Variants in STAT5B observed in about 807,000 individuals in gnomAD.
STAT5B encodes the protein signal transducer and activator of transcription 5B.
In STAT5B, 21 loss-of-function variants were observed where a neutral mutation model predicts 107.8. The observed-to-expected ratio is 0.19, with a 90% CI of 0.14 to 0.28. The LOEUF (loss-of-function observed/expected upper bound fraction) is 0.28. Ranked by LOEUF, STAT5B falls within the 10% of genes least tolerant of loss-of-function variation. The pLI, the probability that STAT5B is intolerant of heterozygous loss-of-function variation, is 1.00. For missense variants in STAT5B, 565 were observed against 1,008.2 expected, an observed-to-expected ratio of 0.56 and a Z score of 5.95; for synonymous variants, 325 against 401.7, an observed-to-expected ratio of 0.81 and a Z score of 2.28.
intron 1 of STAT5B, among the ~76,000 whole-genome samples, chr17:42,256,334 GC>G (rs1337227590): frequency 6.6e-6 from 1 of 152,028 alleles, no homozygotes; most frequent in Non-Finnish European, 1.5e-5. Context: ...TCCTGGCTCA[GC>G]CTCCCATAGT....
chr17:42,211,165 C>T (rs1427452346), intron 13 of STAT5B, among the ~76,000 whole-genome samples: 1 of 151,864 alleles, frequency 6.6e-6, no homozygotes, highest in Non-Finnish European at 1.5e-5. Context: ...TGTACCACTG[C>T]ACTCCTTGTG....
chr17:42,206,096 G>A (rs763428317), intron 16 of STAT5B, among the ~76,000 whole-genome samples: 3 of 151,902 alleles, frequency 2.0e-5, no homozygotes, highest in Non-Finnish European at 2.9e-5. Context: ...ATGGAGTCTC[G>A]CTCTGTCACC....
intron 2 of STAT5B, among the ~76,000 whole-genome samples, chr17:42,229,683 C>G: frequency 6.6e-6 from 1 of 151,368 alleles, no homozygotes; most frequent in East Asian, 2.0e-4. Context: ...CCAGCCTGGC[C>G]AACATGATGA....
chr17:42,237,961 T>G (rs1237364782), intron 1 of STAT5B, among the ~76,000 whole-genome samples: 2 of 152,178 alleles, frequency 1.3e-5, no homozygotes, highest in African/African-American at 4.8e-5. Context: ...ACTGTTACCT[T>G]AAACTTACAA....
chr17:42,207,618 G>A lies in STAT5B; in HGVS notation c.2017C>T (p.Arg673Trp), dbSNP rs773533491. 8.1e-6 allele frequency: 13 copies of A among 1,613,846 alleles called. No homozygotes were observed. The highest frequency in any genetic ancestry group is 2.2e-5 in the East Asian group (1 of 44,884). The change falls in exon 16 of 19, where the codon CGG (arginine) becomes TGG (tryptophan). Residue 673 changes from arginine (R) to tryptophan (W), a missense_variant. Coordinates refer to ENST00000293328, the MANE Select transcript of STAT5B (RefSeq NM_012448.4). ...LNYLIYVFPD[R>W]PKDEVYSKYY... is the part of the protein sequence containing the mutation. ...TTGGAGTATACTTCATCTTTTGGCC[G>A]ATCAGGAAACACGTAGATAAGGTAA...
intron 1 of STAT5B, chr17:42,235,486 AT>A (rs559958060): frequency 9.1e-4 from 132 of 145,816 alleles, no homozygotes; most frequent in South Asian, 1.1e-3. Flanking sequence ...ATCAATTACA[AT>A]TTTTTTTTTT....
intron 5 of STAT5B, among the ~76,000 whole-genome samples, chr17:42,220,748 T>C (rs983656742): frequency 5.3e-5 from 8 of 152,124 alleles, no homozygotes; most frequent in Middle Eastern, 3.2e-3. Flanking sequence ...AGGAGTCTCA[T>C]TGATGGCGGG....
chr17:42,212,331 TG>T, intron 12 of STAT5B, 141 bp from the exon 13 acceptor site: 1 of 1,386,364 alleles, frequency 7.2e-7, no homozygotes, highest in Non-Finnish European at 9.9e-7. Flanking sequence ...CAGACTCTGC[TG>T]GGGTACACGG....
intron 1 of STAT5B, among the ~76,000 whole-genome samples, chr17:42,262,670 G>A (rs956923857): frequency 6.7e-6 from 1 of 150,022 alleles, no homozygotes; most frequent in Non-Finnish European, 1.5e-5. Context: ...ATAATACAAA[G>A]TTCAGGGTTA....
chr17:42,246,556 T>G (rs1455761534), intron 1 of STAT5B, among the ~76,000 whole-genome samples: 1 of 152,200 alleles, frequency 6.6e-6, no homozygotes, highest in African/African-American at 2.4e-5. Context: ...TTGATGTGAC[T>G]AAGCAAACTT....
chr17:42,222,417 T>C (rs1212660587), intron 5 of STAT5B, among the ~76,000 whole-genome samples: 3 of 152,192 alleles, frequency 2.0e-5, no homozygotes, highest in Non-Finnish European at 4.4e-5. Flanking sequence ...AGGGAAGCTC[T>C]GTCCATAAGG....
intron 1 of STAT5B, among the ~76,000 whole-genome samples, chr17:42,257,125 T>C (rs1279371342): frequency 6.6e-6 from 1 of 152,160 alleles, no homozygotes; most frequent in African/African-American, 2.4e-5. Flanking sequence ...GTACTAAGAA[T>C]GTGGCAGTGA....
In STAT5B at chr17:42,227,661, T is replaced by G; in HGVS notation, c.153A>C (p.Pro51=). 6.2e-7 allele frequency: 1 copy of G among 1,614,106 alleles called. No individual in the cohort carries two copies. Among genetic ancestry groups the G allele is most frequent in the Non-Finnish European group, 8.5e-7 (1 of 1,180,012 alleles). ...QAWDSVDLDN[P]QENIKATQLL... is the part of the protein sequence containing the mutation. ...GCTGGGTGGCCTTAATGTTCTCCTG[T>G]GGATTATCAAGATCTACTGAGTCCC... The change falls in exon 3 of 19, where the codon CCA becomes CCC. Residue 51 remains proline, a synonymous_variant. Transcript: ENST00000293328.
chr17:42,219,496 G>C (rs1277579293), intron 6 of STAT5B, 33 bp from the exon 7 acceptor site: 7 of 1,285,248 alleles, frequency 5.4e-6, no homozygotes, highest in Non-Finnish European at 7.4e-6. Flanking sequence ...CCCCTTCTGG[G>C]CTCCCAGAGA....
intron 1 of STAT5B, among the ~76,000 whole-genome samples, chr17:42,243,687 T>G (rs2080424831): frequency 6.6e-6 from 1 of 152,150 alleles, no homozygotes; most frequent in Non-Finnish European, 1.5e-5. Flanking sequence ...TACACTTTTT[T>G]CAAAATCAAA....
At chr17:42,257,388 T>TA (rs1398563978) in intron 1 of STAT5B, among the ~76,000 whole-genome samples, 11 of 152,152 alleles carry the variant, frequency 7.2e-5, no homozygotes, top group African/African-American at 2.7e-4. Context: ...ACAGGGGGAT[T>TA]ACTGGCTTTT....
chr17:42,259,444 G>T (rs2080575167), intron 1 of STAT5B, among the ~76,000 whole-genome samples: 1 of 152,156 alleles, frequency 6.6e-6, no homozygotes, highest in Non-Finnish European at 1.5e-5. Flanking sequence ...TGTGTCTTGG[G>T]GGTGAGGGAA....
chr17:42,237,609 T>A (rs1190262252), intron 1 of STAT5B, among the ~76,000 whole-genome samples: 1 of 152,140 alleles, frequency 6.6e-6, no homozygotes, highest in Non-Finnish European at 1.5e-5. Context: ...ATATTATGCA[T>A]AATATGAATA....
chr17:42,284,427 C>G, the STAT5B span, among the ~76,000 whole-genome samples: 1 of 152,158 alleles, frequency 6.6e-6, no homozygotes, highest in Admixed American at 6.5e-5. Context: ...CCACCACGCC[C>G]AGCTAATTTT....
Sources: gnomAD v4.1 joint callset for allele counts (sites outside exome capture counted in the v4.1 genomes callset) on GRCh38, gnomAD v4.1.1 for gene constraint, MANE v1.5 for transcripts, NCBI Gene and HGNC (gene_info 2026-07-23, HGNC 2026-07-21) for gene names.